The following CDKAL1 variants were observed in gnomAD, a reference collection of about 807,000 sequenced individuals.
The protein encoded by CDKAL1 is CDKAL1 threonylcarbamoyladenosine tRNA methylthiotransferase, also known as threonylcarbamoyladenosine tRNA methylthiotransferase.
A neutral mutation model predicts 68.2 loss-of-function variants in CDKAL1; 32 were observed. The ratio of observed to expected loss-of-function variants is 0.47; its 90% CI spans 0.35 to 0.63. CDKAL1 has a LOEUF of 0.63. CDKAL1 is among the 30% of genes least tolerant of loss of function. CDKAL1 has a pLI of 0.00. For missense variants in CDKAL1, 606 were observed against 696.7 expected (o/e 0.87, Z 1.47); for synonymous variants, 234 against 244.3 (o/e 0.96, Z 0.39).
At chr6:20,707,448 G>A (rs1205922345) in intron 5 of CDKAL1, among the ~76,000 whole-genome samples, 1 of 152,158 alleles carries the variant, frequency 6.6e-6, no homozygotes, top group East Asian at 1.9e-4. Flanking sequence ...TTTTATCTAA[G>A]GGTAGCCTAT....
chr6:21,077,123 C>T (rs1481509668), intron 12 of CDKAL1, among the ~76,000 whole-genome samples: 1 of 132,704 alleles, frequency 7.5e-6, no homozygotes, highest in Non-Finnish European at 1.6e-5. Context: ...ATTTTAAGGC[C>T]ACTTTTCAAC....
intron 5 of CDKAL1, among the ~76,000 whole-genome samples, chr6:20,708,804 G>T (rs1416593374): frequency 1.3e-5 from 2 of 151,904 alleles, no homozygotes; most frequent in African/African-American, 4.8e-5. Context: ...ACAATTTCTG[G>T]TCTGGTTTCT....
chr6:21,053,609 C>G (rs1770659773), intron 11 of CDKAL1, among the ~76,000 whole-genome samples: 1 of 152,090 alleles, frequency 6.6e-6, no homozygotes, highest in East Asian at 1.9e-4. Context: ...GTCAGTTTCT[C>G]TATATGCTTA....
At chr6:20,895,706 C>T (rs979381169) in intron 9 of CDKAL1, among the ~76,000 whole-genome samples, 3 of 152,180 alleles carry the variant, frequency 2.0e-5, no homozygotes, top group Non-Finnish European at 2.9e-5. Context: ...ATCTCTTTAG[C>T]ATGGTTAAAC....
At chr6:20,762,084 A>C (rs1025478472) in intron 7 of CDKAL1, among the ~76,000 whole-genome samples, 3 of 152,210 alleles carry the variant, frequency 2.0e-5, no homozygotes, top group Non-Finnish European at 2.9e-5. Flanking sequence ...ACTCTAAAAA[A>C]TAAAATCTAT....
intron 10 of CDKAL1, among the ~76,000 whole-genome samples, chr6:20,966,607 T>C (rs1304519432): frequency 2.6e-5 from 4 of 152,190 alleles, no homozygotes; most frequent in African/African-American, 9.6e-5. Flanking sequence ...ATAACATGTA[T>C]TATTGTGTGT....
At chr6:20,930,099 G>T (rs573428759) in intron 9 of CDKAL1, among the ~76,000 whole-genome samples, 1 of 152,094 alleles carries the variant, frequency 6.6e-6, no homozygotes, top group Non-Finnish European at 1.5e-5. Context: ...AAGAAAAGCT[G>T]CATTAAAACA....
intron 9 of CDKAL1, among the ~76,000 whole-genome samples, chr6:20,903,231 G>A (rs1248758241): frequency 6.6e-6 from 1 of 152,020 alleles, no homozygotes; most frequent in Non-Finnish European, 1.5e-5. Context: ...AACTTTAATG[G>A]TGAATATCTT....
intron 4 of CDKAL1, among the ~76,000 whole-genome samples, chr6:20,567,736 C>T (rs373266742): frequency 2.0e-5 from 3 of 152,002 alleles, no homozygotes; most frequent in East Asian, 1.9e-4. Flanking sequence ...AATTTAGAGA[C>T]GAGGTTTTAC....
intron 2 of CDKAL1, among the ~76,000 whole-genome samples, chr6:20,542,102 G>A (rs923475584): frequency 1.6e-4 from 24 of 152,092 alleles, no homozygotes; most frequent in African/African-American, 5.8e-4. Context: ...CAGATTTTTC[G>A]GATACCCAGT....
chr6:20,567,908 C>T (rs537718838), intron 4 of CDKAL1, among the ~76,000 whole-genome samples: 60 of 151,782 alleles, frequency 4.0e-4, no homozygotes, highest in African/African-American at 1.4e-3. Flanking sequence ...CGGAGTCTCC[C>T]TCTGTCGCCC....
At chr6:20,595,451 G>A (rs114941874) in intron 4 of CDKAL1, among the ~76,000 whole-genome samples, 2,463 of 151,512 alleles carry the variant, frequency 0.016, 76 homozygotes, top group African/African-American at 0.057. Flanking sequence ...CCTTTCTTCC[G>A]CTTGATCCGT....
chr6:20,557,930 T>TAAACAAAC (rs200158880), intron 4 of CDKAL1, among the ~76,000 whole-genome samples: 2 of 151,930 alleles, frequency 1.3e-5, no homozygotes, highest in African/African-American at 4.8e-5. Flanking sequence ...GACTCCGTCT[T>TAAACAAAC]AAACAAACAA....
At chr6:20,660,995 G>A (rs1769259666) in intron 5 of CDKAL1, among the ~76,000 whole-genome samples, 2 of 152,080 alleles carry the variant, frequency 1.3e-5, no homozygotes, top group Non-Finnish European at 1.5e-5. Context: ...CTTGCTGTTG[G>A]GGAAGAAGTA....
In CDKAL1 at chr6:20,539,973, T is replaced by G. The variant is rs1763323062; in HGVS notation, c.-6+4579T>G. ...GGTCACAAATAGATTCTGAATATAT[T>G]TTGAAGGTACAGCCAACAGGATGTT... is the stretch of plus-strand genomic sequence containing the variant. On this transcript the variant is annotated intron_variant, in intron 2 of 15. Transcript: ENST00000274695. The surrounding 1 kb of genome is among the most constrained non-coding windows in gnomAD (Gnocchi z 4.3). 6.6e-6 allele frequency among the ~76,000 whole-genome samples: 1 copy of G among 152,120 alleles called. No homozygotes were observed. The highest frequency in any genetic ancestry group is 1.5e-5 in the Non-Finnish European group (1 of 68,028).
At chr6:20,767,350 T>C (rs1774745874) in intron 7 of CDKAL1, among the ~76,000 whole-genome samples, 1 of 152,194 alleles carries the variant, frequency 6.6e-6, no homozygotes, top group Non-Finnish European at 1.5e-5. Flanking sequence ...AATTCTTCTT[T>C]AGTACTTTAT....
chr6:21,058,392 G>C (rs1040398149), intron 11 of CDKAL1, among the ~76,000 whole-genome samples: 3 of 151,910 alleles, frequency 2.0e-5, no homozygotes, highest in Non-Finnish European at 4.4e-5. Flanking sequence ...CCTTTATTTT[G>C]AGCCTATGTG....
intron 9 of CDKAL1, among the ~76,000 whole-genome samples, chr6:20,953,862 T>C (rs1490485547): frequency 6.6e-6 from 1 of 152,206 alleles, no homozygotes; most frequent in East Asian, 1.9e-4. Flanking sequence ...TCCATAATAC[T>C]ACTAATTTTC....
At chr6:20,565,264 G>A (rs1764418631) in intron 4 of CDKAL1, among the ~76,000 whole-genome samples, 2 of 152,046 alleles carry the variant, frequency 1.3e-5, no homozygotes, top group South Asian at 4.1e-4. Context: ...AAGTTTAGAA[G>A]TCCAAGATAT....
Sources: gnomAD v4.1 joint callset for allele counts (sites outside exome capture counted in the v4.1 genomes callset) on GRCh38, gnomAD v4.1.1 for gene constraint, Gnocchi (gnomAD v3.1) non-coding constraint, MANE v1.5 for transcripts, NCBI Gene and HGNC (gene_info 2026-07-23, HGNC 2026-07-21) for gene names.